SANBR: variants seen among roughly 807,000 people sequenced by gnomAD.
The protein encoded by SANBR is SANT and BTB domain regulator of CSR.
In SANBR, 77 loss-of-function variants were observed where a neutral mutation model predicts 101.8. That is an observed-to-expected ratio of 0.76 (90% confidence interval 0.63 to 0.91). The LOEUF (loss-of-function observed/expected upper bound fraction) is 0.91. Among genes scored for constraint, SANBR ranks in the 40% least tolerant of loss-of-function variants. SANBR has a pLI of 0.00. For synonymous variants in SANBR, 279 were observed against 274.7 expected, an observed-to-expected ratio of 1.02 and a Z score of -0.15; for missense variants, 875 against 853.0, an observed-to-expected ratio of 1.03 and a Z score of -0.32.
chr2:61,066,545 G>A (rs536408907), intron 1 of SANBR: 4 of 152,586 alleles, frequency 2.6e-5, no homozygotes, highest in Non-Finnish European at 5.9e-5. Flanking sequence ...GTGTGCAGAA[G>A]TCAGGAAGCC....
intron 20 of SANBR, among the ~76,000 whole-genome samples, chr2:61,131,343 G>A (rs1198823666): frequency 6.6e-6 from 1 of 152,062 alleles, no homozygotes; most frequent in East Asian, 1.9e-4. Flanking sequence ...ATTGAGTTCA[G>A]CAATACTTCA....
intron 6 of SANBR, among the ~76,000 whole-genome samples, chr2:61,079,312 GAAT>G (rs1681962673): frequency 6.6e-6 from 1 of 152,080 alleles, no homozygotes; most frequent in Non-Finnish European, 1.5e-5. Context: ...ACTGTAATAA[GAAT>G]AATTACTGAG....
In SANBR at chr2:61,083,566, T is replaced by TAA. The variant is rs573963696; in HGVS notation, c.890+268_890+269dup. On this transcript the variant is annotated intron_variant, in intron 8 of 21. Transcript: ENST00000402291. ...AATGCACCACCATGCCCAGCTAAAT[T>TAA]AAAAAAAAAAAAAAAAATTTTGACC... 7.3e-4 allele frequency among the ~76,000 whole-genome samples: 102 copies of TAA among 140,054 alleles called. 1 individual carries two copies. The highest frequency in any genetic ancestry group is 2.1e-3 in the African/African-American group (81 of 38,276). The allele number at this position is 140,054 out of a possible 152,430, so 91.9% of individuals were successfully genotyped here.
In SANBR at chr2:61,081,508, C is replaced by G; in HGVS notation, c.727C>G (p.Leu243Val). Reference protein sequence around the residue: ...ISSEFLKMDSLVEQCIQYCHK... With the variant: ...ISSEFLKMDSVVEQCIQYCHK... The stretch of plus-strand genomic sequence containing the variant: ...TTCGGAGTTTTTAAAAATGGATTCA[C>G]TAGTAAGTATTGACTTAAAAAAAAT... The change falls in exon 7 of 22, where the codon CTA (leucine) becomes GTA (valine). Residue 243 changes from leucine to valine, a missense_variant and splice_region_variant. Coordinates refer to ENST00000402291, the MANE Select transcript of SANBR (RefSeq NM_001129993.3). 6.4e-7 allele frequency: 1 copy of G among 1,560,164 alleles called. No homozygotes were observed. The highest frequency in any genetic ancestry group is 8.6e-7 in the Non-Finnish European group (1 of 1,157,976).
At chr2:61,070,596 A>C in intron 3 of SANBR, 96 bp downstream of exon 3, 2 of 1,148,970 alleles carry the variant, frequency 1.7e-6, no homozygotes, top group Non-Finnish European at 2.5e-6. Context: ...TTTGAGTTTT[A>C]CATATTCAAA....
At chr2:61,101,426 T>C (rs1683276939) in intron 12 of SANBR, among the ~76,000 whole-genome samples, 1 of 152,188 alleles carries the variant, frequency 6.6e-6, no homozygotes, top group Admixed American at 6.6e-5. Context: ...TATATTTCTT[T>C]GTAGGCATCT....
chr2:61,072,754 G>T (rs147582570), intron 4 of SANBR, among the ~76,000 whole-genome samples: 1 of 145,526 alleles, frequency 6.9e-6, no homozygotes, highest in East Asian at 2.0e-4. Context: ...ATTTTAGAGG[G>T]GTTTGCCCTG....
At chr2:61,121,147 T>C in intron 20 of SANBR, 38 bp from the exon 21 acceptor site, 8 of 1,357,520 alleles carry the variant, frequency 5.9e-6, no homozygotes, top group Non-Finnish European at 8.2e-6. Context: ...CTTCTATTGA[T>C]TCTGTGAAGA....
intron 16 of SANBR, among the ~76,000 whole-genome samples, chr2:61,111,118 G>C (rs546673312): frequency 2.0e-5 from 3 of 152,202 alleles, no homozygotes; most frequent in African/African-American, 7.2e-5. Context: ...CTGCAGCCAG[G>C]CGCAGTGGCT....
chr2:61,086,133 C>G (rs1325125228), intron 8 of SANBR, among the ~76,000 whole-genome samples: 3 of 151,948 alleles, frequency 2.0e-5, no homozygotes, highest in Non-Finnish European at 4.4e-5. Context: ...TTGTAGTTTT[C>G]AATGTAGAGA....
At chr2:61,090,718 T>TTGCGTGTG (rs1553432250) in intron 10 of SANBR, 1 of 143,142 alleles carries the variant, frequency 7.0e-6, no homozygotes, top group Non-Finnish European at 1.5e-5. Context: ...GGCACAGGGT[T>TTGCGTGTG]TGTGTGTGTG....
chr2:61,134,064 A>C (rs1282619543), intron 20 of SANBR: 1 of 1,576,284 alleles, frequency 6.3e-7, no homozygotes, highest in Non-Finnish European at 8.7e-7. Context: ...ATTTTGTTTA[A>C]TCTCTTCTTG....
At chr2:61,079,604 T>C (rs1573597865) in intron 6 of SANBR, among the ~76,000 whole-genome samples, 1 of 152,142 alleles carries the variant, frequency 6.6e-6, no homozygotes. Flanking sequence ...TAACCAGCTA[T>C]AATATGTATG....
Position 61,122,702 on chromosome 2 carries a change from G to A in SANBR, c.*540G>A. On this transcript the variant is annotated 3_prime_UTR_variant, in exon 22 of 22. Coordinates refer to ENST00000402291, the MANE Select transcript of SANBR (RefSeq NM_001129993.3). ...TGCATTAAATGAAGTTTCAGGGTAA[G>A]GTATTTCAGTACTGTGTTGGGCAGA... 3.0e-6 allele frequency: 3 copies of A among 985,738 alleles called. No individual in the cohort carries two copies. The highest frequency in any genetic ancestry group is 3.6e-6 in the Non-Finnish European group (3 of 830,114). 61.1% of individuals were successfully genotyped at this position (985,738 alleles called of 1,614,324 possible).
chr2:61,121,591 A>G (rs1052423967), intron 21 of SANBR: 11 of 209,844 alleles, frequency 5.2e-5, no homozygotes, highest in Non-Finnish European at 1.1e-4. Context: ...TAGATCACAT[A>G]TTAATACTTT....
intron 16 of SANBR, among the ~76,000 whole-genome samples, chr2:61,115,289 T>G (rs555888588): frequency 1.6e-4 from 25 of 152,054 alleles, no homozygotes; most frequent in Middle Eastern, 3.4e-3. Context: ...TCAAGGAATT[T>G]TATCCAGTTT....
chr2:61,109,277 A>G lies in SANBR; in HGVS notation c.1725A>G (p.Glu575=), dbSNP rs752370113. 6.4e-7 allele frequency: 1 copy of G among 1,565,588 alleles called. No individual in the cohort carries two copies. The highest frequency in any genetic ancestry group is 8.7e-7 in the Non-Finnish European group (1 of 1,148,604). ...CTGAAGATGAAGTTGGAGATGAAGA[A>G]GAAGTATCCAAGAAACAAAGTATTG... ...EVTEDEVGDE[E]EVSKKQRKKE... is the part of the protein sequence containing the mutation. The change falls in exon 16 of 22, where the codon GAA becomes GAG. Residue 575 remains glutamate, a synonymous_variant. Coordinates refer to ENST00000402291, the MANE Select transcript of SANBR (RefSeq NM_001129993.3).
downstream of SANBR, among the ~76,000 whole-genome samples, chr2:61,124,972 T>C (rs1684473027): frequency 6.6e-6 from 1 of 152,224 alleles, no homozygotes; most frequent in African/African-American, 2.4e-5. Flanking sequence ...ATGTATTTTG[T>C]GTTTAATTCC....
Position 61,118,928 on chromosome 2 carries a change from T to C in SANBR, c.2028+812T>C, listed in dbSNP as rs1267494771. On this transcript the variant is annotated intron_variant, in intron 20 of 21. Coordinates refer to ENST00000402291, the MANE Select transcript of SANBR (RefSeq NM_001129993.3). The stretch of plus-strand genomic sequence containing the variant: ...ATTCACGTAAAAGTTTTCCACCATG[T>C]CTTATTATCCATGGTCCATAGGTCA... 2.0e-5 allele frequency among the ~76,000 whole-genome samples: 3 copies of C among 152,174 alleles called. No individual in the cohort carries two copies. The East Asian group carries it at 5.8e-4, about 29-fold the overall frequency.
Sources: gnomAD v4.1 joint callset for allele counts (sites outside exome capture counted in the v4.1 genomes callset) on GRCh38, gnomAD v4.1.1 for gene constraint, MANE v1.5 for transcripts, NCBI Gene and HGNC (gene_info 2026-07-23, HGNC 2026-07-21) for gene names.